The following NUP93 variants were observed in gnomAD, a reference collection of about 807,000 sequenced individuals.
The protein encoded by NUP93 is nucleoporin 93, also known as nuclear pore complex protein Nup93.
Under a neutral mutation model 107.8 loss-of-function variants are expected in NUP93, and 55 were observed. That is an observed-to-expected ratio of 0.51 (90% confidence interval 0.41 to 0.64). The LOEUF (loss-of-function observed/expected upper bound fraction) is 0.64. NUP93 is among the 30% of genes least tolerant of loss of function. The pLI, the probability that NUP93 is intolerant of heterozygous loss-of-function variation, is 0.00. For synonymous variants in NUP93, 390 were observed against 397.5 expected, an observed-to-expected ratio of 0.98 and a Z score of 0.22; for missense variants, 937 against 1,044.7, an observed-to-expected ratio of 0.90 and a Z score of 1.42.
intron 1 of NUP93, among the ~76,000 whole-genome samples, chr16:56,730,793 G>T (rs1241612879): frequency 6.6e-6 from 1 of 152,198 alleles, no homozygotes; most frequent in Non-Finnish European, 1.5e-5. Context: ...CAGAGGCGAT[G>T]CCCAAGTTCA....
intron 21 of NUP93, chr16:56,842,842 C>T (rs756269050): frequency 1.7e-5 from 5 of 299,900 alleles, no homozygotes; most frequent in African/African-American, 6.8e-5. Context: ...TGTGAGCCAC[C>T]GTTCCCGGCC....
chr16:56,794,925 CTCAAAAAAA>C (rs1244050569), intron 3 of NUP93, among the ~76,000 whole-genome samples: 1 of 43,428 alleles, frequency 2.3e-5, no homozygotes, highest in Admixed American at 4.1e-4. Context: ...GAGACTCTGT[CTCAAAAAAA>C]AAAAAAAAAA....
At chr16:56,808,565 A>T (rs1963226733) in intron 5 of NUP93, among the ~76,000 whole-genome samples, 1 of 125,514 alleles carries the variant, frequency 8.0e-6, no homozygotes, top group Non-Finnish European at 1.6e-5. Flanking sequence ...AAAATATATA[A>T]ATACATTTAT....
At chr16:56,827,069 A>AAAAAAAAAAATAAAAAAT (rs1430722800) in intron 8 of NUP93, among the ~76,000 whole-genome samples, 1 of 125,664 alleles carries the variant, frequency 8.0e-6, no homozygotes, top group Admixed American at 9.4e-5. Context: ...AAAAAAAAAA[A>AAAAAAAAAAATAAAAAAT]TTTTGTTGAG....
At chr16:56,774,413 C>T (rs1488232224) in intron 3 of NUP93, among the ~76,000 whole-genome samples, 3 of 152,098 alleles carry the variant, frequency 2.0e-5, no homozygotes, top group African/African-American at 7.3e-5. Flanking sequence ...TTGCTTCTCT[C>T]TGTATGCCCC....
At chr16:56,747,595 C>T (rs1262647055) in intron 1 of NUP93, among the ~76,000 whole-genome samples, 10 of 151,196 alleles carry the variant, frequency 6.6e-5, no homozygotes, top group African/African-American at 2.2e-4. Flanking sequence ...AGTGAAGGAG[C>T]AGGTGTGTTA....
At position 56,769,209 on chromosome 16, in the gene NUP93, A is replaced by G. The variant is rs138853708; in HGVS notation, c.297+10554A>G. Among the ~76,000 whole-genome samples, 66 of 152,328 alleles carry G rather than the reference A, an allele frequency of 4.3e-4. No homozygotes were observed. The East Asian group carries it at 0.013, about 29-fold the overall frequency. On this transcript the variant is annotated intron_variant, in intron 3 of 21. Transcript: ENST00000308159. ...TTTTCAGGATGTATTAGAAGGAGGA[A>G]AGTTAGTGAAAGTATAAAATAGAAG... is the stretch of plus-strand genomic sequence containing the variant.
intron 18 of NUP93, among the ~76,000 whole-genome samples, chr16:56,838,088 G>A (rs1963950064): frequency 6.6e-6 from 1 of 152,204 alleles, no homozygotes. Flanking sequence ...GGTTGGATGG[G>A]GGAGATTCTT....
chr16:56,825,315 G>A (rs770381783), intron 8 of NUP93, among the ~76,000 whole-genome samples: 1 of 149,364 alleles, frequency 6.7e-6, no homozygotes, highest in Non-Finnish European at 1.5e-5. Context: ...GGGTTCAGGC[G>A]ATTCTCCTGC....
chr16:56,797,281 C>G (rs1962922048), intron 3 of NUP93, among the ~76,000 whole-genome samples: 1 of 152,132 alleles, frequency 6.6e-6, no homozygotes, highest in Non-Finnish European at 1.5e-5. Flanking sequence ...ATAAATGCAC[C>G]AGTAGTGACA....
At chr16:56,778,039 C>T (rs1158691738) in intron 3 of NUP93, among the ~76,000 whole-genome samples, 1 of 152,166 alleles carries the variant, frequency 6.6e-6, no homozygotes, top group Non-Finnish European at 1.5e-5. Context: ...AGTTTGTCTT[C>T]TACCTATAGA....
At chr16:56,776,678 C>A (rs1179610632) in intron 3 of NUP93, among the ~76,000 whole-genome samples, 1 of 152,222 alleles carries the variant, frequency 6.6e-6, no homozygotes, top group East Asian at 1.9e-4. Context: ...CCACCATCCC[C>A]CATGTAATGA....
rs1964101977 is a variant in NUP93 at position 56,845,202 on chromosome 16, A to T, written c.*593A>T. On this transcript the variant is annotated 3_prime_UTR_variant, in exon 22 of 22. Transcript: ENST00000308159. ...CAGTTTGCCGTTCTGTTGCAATCCCAGTGGAGATAAAAGCATAGACCTAGA... is the reference window on the plus strand; with the variant it reads ...CAGTTTGCCGTTCTGTTGCAATCCCTGTGGAGATAAAAGCATAGACCTAGA... 1 of 168,990 alleles carries T rather than the reference A, an allele frequency of 5.9e-6. No homozygotes were observed. The highest frequency in any genetic ancestry group is 1.3e-5 in the Non-Finnish European group (1 of 77,944). The allele number at this position is 168,990 out of a possible 1,614,324, so 10.5% of individuals were successfully genotyped here. A position where few individuals can be genotyped will look rare whatever the true frequency, so the allele number is the denominator to read the frequency against.
chr16:56,753,926 C>G (rs1273084333), intron 2 of NUP93, among the ~76,000 whole-genome samples: 1 of 149,944 alleles, frequency 6.7e-6, no homozygotes, highest in African/African-American at 2.5e-5. Context: ...CTACGACATG[C>G]AAATTGTTGG....
At chr16:56,736,664 G>T (rs928999835) in intron 1 of NUP93, among the ~76,000 whole-genome samples, 1 of 152,184 alleles carries the variant, frequency 6.6e-6, no homozygotes, top group Non-Finnish European at 1.5e-5. Flanking sequence ...TGGAGACATG[G>T]TGGGTGTGAC....
At chr16:56,734,105 C>T (rs1961574771) in intron 1 of NUP93, among the ~76,000 whole-genome samples, 1 of 152,198 alleles carries the variant, frequency 6.6e-6, no homozygotes, top group African/African-American at 2.4e-5. Flanking sequence ...AGGAGACAGA[C>T]AATAAATGAA....
chr16:56,774,631 A>G (rs1596788847), intron 3 of NUP93, among the ~76,000 whole-genome samples: 1 of 152,226 alleles, frequency 6.6e-6, no homozygotes, highest in Non-Finnish European at 1.5e-5. Flanking sequence ...ATCATTTGAA[A>G]TGGCTTCTCT....
intron 2 of NUP93, among the ~76,000 whole-genome samples, chr16:56,753,083 C>A (rs370481046): frequency 4.6e-4 from 70 of 152,220 alleles, no homozygotes; most frequent in African/African-American, 1.7e-3. Context: ...TGTACTAAAA[C>A]AAAACTCATT....
chr16:56,832,312 TGAC>T lies in NUP93; in HGVS notation c.1275_1277del (p.Asp426del). The T allele has an allele frequency of 6.2e-7, 1 of 1,614,130 alleles. No individual in the cohort carries two copies. The highest frequency in any genetic ancestry group is 2.2e-5 in the East Asian group (1 of 44,886). ...GGATTTAGTTGAACCAAGTGTGTTT[TGAC>T]GACGATGGCACCAGCTCCCCACAAG... On this transcript the variant is annotated inframe_deletion, in exon 12 of 22. Coordinates refer to ENST00000308159, the MANE Select transcript of NUP93 (RefSeq NM_014669.5).
Sources: allele counts gnomAD v4.1 joint callset (sites outside exome capture counted in the v4.1 genomes callset), GRCh38; gene constraint gnomAD v4.1.1; transcripts MANE v1.5; gene names NCBI Gene and HGNC (gene_info 2026-07-23, HGNC 2026-07-21).